The following LRRC53 variants were observed in gnomAD, a reference collection of about 807,000 sequenced individuals.
LRRC53 encodes leucine rich repeat containing 53.
Under a neutral mutation model 13.6 loss-of-function variants are expected in LRRC53, and 25 were observed. That is an observed-to-expected ratio of 1.83 (90% confidence interval 1.34 to 2.56). The LOEUF is 2.56. Among genes scored for constraint, LRRC53 ranks in the 30% most tolerant of loss-of-function variants. LRRC53 has a pLI of 0.00. For synonymous variants in LRRC53, 204 were observed against 109.8 expected, an observed-to-expected ratio of 1.86 and a Z score of -5.37; for missense variants, 527 against 275.8, an observed-to-expected ratio of 1.91 and a Z score of -6.45.
chr1:74,535,530 C>T, the LRRC53 span, among the ~76,000 whole-genome samples: 1 of 152,144 alleles, frequency 6.6e-6, no homozygotes, highest in African/African-American at 2.4e-5. Context: ...TGGGACGTCA[C>T]TTGTCACATC....
At chr1:74,477,174 A>T (rs1668245900) in intron 3 of LRRC53, among the ~76,000 whole-genome samples, 1 of 152,154 alleles carries the variant, frequency 6.6e-6, no homozygotes. Context: ...AGAATATATT[A>T]AAAAATTAAA....
chr1:74,519,848 G>C, the LRRC53 span, among the ~76,000 whole-genome samples: 2 of 152,092 alleles, frequency 1.3e-5, no homozygotes, highest in African/African-American at 4.8e-5. Flanking sequence ...ATAGTCCACA[G>C]GGTCCCTGTG....
In LRRC53 at chr1:74,470,938, C is replaced by T. The variant is rs577458841; in HGVS notation, c.2684G>A (p.Arg895Lys). 29 of 400,666 alleles carry T rather than the reference C, an allele frequency of 7.2e-5. No homozygotes were observed. Among genetic ancestry groups the T allele is most frequent in the African/African-American group, 5.5e-4 (27 of 48,804 alleles). The allele number at this position is 400,666 out of a possible 1,614,324, so 24.8% of individuals were successfully genotyped here. The change falls in exon 5 of 5, where the codon AGG (arginine) becomes AAG (lysine). Residue 895 changes from arginine (R) to lysine (K), a missense_variant. Transcript: ENST00000294635. ...SDVLPFQHSR[R>K]ATDQGTTEST... ...CTCCGTTGTCCCTTGGTCAGTAGCC[C>T]TCCTGGAATGTTGGAATGGTAAAAC...
intron 1 of LRRC53, among the ~76,000 whole-genome samples, chr1:74,487,823 C>G (rs2100287231): frequency 6.6e-6 from 1 of 152,112 alleles, no homozygotes; most frequent in Non-Finnish European, 1.5e-5. Context: ...TTCCAAGTAC[C>G]AGTGTGATCA....
the LRRC53 span, among the ~76,000 whole-genome samples, chr1:74,533,494 G>A: frequency 6.6e-6 from 1 of 152,122 alleles, no homozygotes; most frequent in Non-Finnish European, 1.5e-5. Flanking sequence ...CATTGTGGAA[G>A]TCAGTGTGGT....
At chr1:74,516,399 T>C (rs1053546365), upstream of LRRC53, among the ~76,000 whole-genome samples, 4 of 152,176 alleles carry the variant, frequency 2.6e-5, no homozygotes, top group African/African-American at 7.2e-5. Flanking sequence ...TGAGAATAGT[T>C]GAGTCAGGAA....
In LRRC53 at chr1:74,475,472, A is replaced by G; in HGVS notation, c.1243T>C (p.Cys415Arg). 1.4e-6 allele frequency: 1 copy of G among 717,066 alleles called. No homozygotes were observed. Among genetic ancestry groups the G allele is most frequent in the Non-Finnish European group, 2.6e-6 (1 of 384,880 alleles). The allele number at this position is 717,066 out of a possible 1,614,324, so 44.4% of individuals were successfully genotyped here. ...KDRGVGSTLF[C>R]QDGRLLHSEC... ...GAATGCAGCAATCTACCATCCTGGC[A>G]AAATAAAGTGCTGCCTACCCCACGG... Residue 415 changes from cysteine to arginine, a missense_variant, in exon 4 of 5, where the codon TGC becomes CGC. Cys to Arg is a radical substitution (Grantham distance 180). Transcript: ENST00000294635.
At chr1:74,483,849 C>A (rs1668619513) in intron 1 of LRRC53, among the ~76,000 whole-genome samples, 1 of 152,126 alleles carries the variant, frequency 6.6e-6, no homozygotes, top group Non-Finnish European at 1.5e-5. Flanking sequence ...CTGAGTCTTA[C>A]ATGATTACAA....
Position 74,472,126 on chromosome 1 carries a change from C to T in LRRC53, c.1496G>A (p.Arg499His), listed in dbSNP as rs760861475. ...SALAGESLEKRLTNESWQPPI... is the reference protein window; with the variant it reads ...SALAGESLEKHLTNESWQPPI... Reference sequence around the variant, plus strand: ...AGGCTGCCATGATTCATTTGTTAAACGCTTCTCAAGACTTTCTCCTGCCAA... The same window carrying T: ...AGGCTGCCATGATTCATTTGTTAAATGCTTCTCAAGACTTTCTCCTGCCAA... The change falls in exon 5 of 5, where the codon CGT (arginine) becomes CAT (histidine). Residue 499 changes from arginine (R) to histidine (H), a missense_variant. By Grantham distance (29) the Arg-to-His change is conservative. Transcript: ENST00000294635. 8.8e-5 allele frequency: 63 copies of T among 717,046 alleles called. No homozygotes were observed. The highest frequency in any genetic ancestry group is 2.4e-4 in the East Asian group (9 of 37,296). The allele number at this position is 717,046 out of a possible 1,614,324, so 44.4% of individuals were successfully genotyped here. A position where few individuals can be genotyped will look rare whatever the true frequency, so the allele number is the denominator to read the frequency against.
At chr1:74,492,204 A>T in intron 1 of LRRC53, 1 of 1,612,990 alleles carries the variant, frequency 6.2e-7, no homozygotes, top group South Asian at 1.1e-5. Context: ...TGGCAGCATT[A>T]AGAAGTCGTT....
At chr1:74,479,065 C>T (rs917217906) in intron 3 of LRRC53, among the ~76,000 whole-genome samples, 2 of 152,148 alleles carry the variant, frequency 1.3e-5, no homozygotes, top group African/African-American at 4.8e-5. Flanking sequence ...AATTAATTCA[C>T]TAGATAACTG....
intron 1 of LRRC53, among the ~76,000 whole-genome samples, chr1:74,497,494 T>G (rs1007109847): frequency 1.3e-5 from 2 of 152,052 alleles, no homozygotes; most frequent in East Asian, 1.9e-4. Context: ...TTCTCAAACA[T>G]TGCTTCCTCT....
Position 74,470,276 on chromosome 1 carries a change from AAG to A in LRRC53, c.3344_3345del (p.Thr1115MetfsTer7), listed in dbSNP as rs944726628. On this transcript the variant is annotated frameshift_variant, in exon 5 of 5. Transcript: ENST00000294635. LOFTEE classifies it low-confidence loss of function (END_TRUNC). Reference protein sequence around the residue: ...LKGITKERQQTWENGTSEKYI... With the variant: ...LKGITKERQQXWENGTSEKYI... ...TATTTTTCACTTGTTCCATTTTCCC[AAG>A]TTTGCTGCCTTTCTTTTGTGATGCC... 4 of 400,626 alleles carry A rather than the reference AAG, an allele frequency of 1.0e-5. No homozygotes were observed. Among genetic ancestry groups the A allele is most frequent in the Non-Finnish European group, 1.8e-5 (4 of 226,156 alleles). The allele number at this position is 400,626 out of a possible 1,614,324, so 24.8% of individuals were successfully genotyped here. A position where few individuals can be genotyped will look rare whatever the true frequency, so the allele number is the denominator to read the frequency against.
intron 1 of LRRC53, among the ~76,000 whole-genome samples, chr1:74,507,834 C>A (rs1345189232): frequency 6.6e-6 from 1 of 152,200 alleles, no homozygotes; most frequent in South Asian, 2.1e-4. Context: ...TTTGAAATTA[C>A]AAAGGCTGAA....
chr1:74,531,593 T>C, the LRRC53 span, among the ~76,000 whole-genome samples: 2 of 152,204 alleles, frequency 1.3e-5, no homozygotes, highest in African/African-American at 4.8e-5. Context: ...GCCAGATGAC[T>C]CTAGTAGCCT....
chr1:74,510,803 A>G (rs1393891973), intron 1 of LRRC53, among the ~76,000 whole-genome samples: 1 of 152,208 alleles, frequency 6.6e-6, no homozygotes, highest in Non-Finnish European at 1.5e-5. Context: ...GGTACACAGC[A>G]CTGTGTCTGC....
intron 1 of LRRC53, among the ~76,000 whole-genome samples, chr1:74,499,495 T>A (rs1669499609): frequency 6.6e-6 from 1 of 152,128 alleles, no homozygotes; most frequent in Admixed American, 6.5e-5. Context: ...TTATTGTCAA[T>A]CTCTCATTGT....
intron 1 of LRRC53, among the ~76,000 whole-genome samples, chr1:74,507,166 A>G (rs570204194): frequency 1.0e-3 from 159 of 151,914 alleles, no homozygotes; most frequent in Non-Finnish European, 1.7e-3. Context: ...TTCTTTAAAT[A>G]TAGGTCCAGG....
chr1:74,494,761 T>A (rs907828661), intron 1 of LRRC53, among the ~76,000 whole-genome samples: 2 of 152,222 alleles, frequency 1.3e-5, no homozygotes, highest in Non-Finnish European at 2.9e-5. Context: ...AAATCTCACA[T>A]GTAAAATACT....
Sources: gnomAD v4.1 joint callset for allele counts (sites outside exome capture counted in the v4.1 genomes callset) on GRCh38, gnomAD v4.1.1 for gene constraint, MANE v1.5 for transcripts, NCBI Gene and HGNC (gene_info 2026-07-23, HGNC 2026-07-21) for gene names.